Variants in CFLAR observed in about 807,000 individuals in gnomAD.
CFLAR encodes the protein CASP8 and FADD-like apoptosis regulator.
CFLAR carries 14 observed loss-of-function variants against 51.1 expected under a neutral mutation model. The ratio of observed to expected loss-of-function variants is 0.27; its 90% CI spans 0.18 to 0.43. The LOEUF (loss-of-function observed/expected upper bound fraction) is 0.43, where lower values mean the gene tolerates loss of function less well. CFLAR is among the 20% of genes least tolerant of loss of function. CFLAR has a pLI of 1.00. For synonymous variants in CFLAR, 210 were observed against 211.6 expected (o/e 0.99, Z 0.06); for missense variants, 390 against 566.5 (o/e 0.69, Z 3.16).
rs1192064720 is a variant in CFLAR at position 201,162,493 on chromosome 2, C to T, written c.1305-1342C>T. 3 of 165,518 alleles carry T rather than the reference C, an allele frequency of 1.8e-5. No individual in the cohort carries two copies. The East Asian group carries it at 4.8e-4, about 26-fold the overall frequency. The allele number at this position is 165,518 out of a possible 1,614,324, so 10.3% of individuals were successfully genotyped here. On this transcript the variant is annotated intron_variant, in intron 9 of 9. Transcript: ENST00000309955. ...AATCCCCATGTCTGGCTCATTTCAG[C>T]TCCTTTACTGCCAAAGCAGGGGACA...
intron 1 of CFLAR, among the ~76,000 whole-genome samples, chr2:201,127,631 A>G (rs1361135601): frequency 6.6e-6 from 1 of 152,190 alleles, no homozygotes; most frequent in Admixed American, 6.5e-5. Flanking sequence ...TCCTTTCTCA[A>G]GTACTCACCA....
rs930136248 is a variant in CFLAR at position 201,124,224 on chromosome 2, G to T, written c.-137-5505G>T. Among the ~76,000 whole-genome samples, 4 of 152,236 alleles carry T rather than the reference G, an allele frequency of 2.6e-5. No individual in the cohort carries two copies. The highest frequency in any genetic ancestry group is 7.2e-5 in the African/African-American group (3 of 41,464). ...TGGGGGCAGCGTTGGTGTTCTGTGAGAAAGGTTGAGAGGCCTGACTAAACT... is the reference window on the plus strand; with the variant it reads ...TGGGGGCAGCGTTGGTGTTCTGTGATAAAGGTTGAGAGGCCTGACTAAACT... On this transcript the variant is annotated intron_variant, in intron 1 of 9. Coordinates refer to ENST00000309955, the MANE Select transcript of CFLAR (RefSeq NM_003879.7). The surrounding 1 kb of genome is among the most constrained non-coding windows in gnomAD (Gnocchi z 4.7).
intron 8 of CFLAR, among the ~76,000 whole-genome samples, chr2:201,151,725 TAA>T (rs1031191368): frequency 3.6e-5 from 5 of 140,194 alleles, no homozygotes; most frequent in African/African-American, 7.8e-5. Flanking sequence ...GAGAGAATCA[TAA>T]AAAAAAAAAA....
At chr2:201,123,824 A>G (rs554776136) in intron 1 of CFLAR, among the ~76,000 whole-genome samples, 2 of 152,212 alleles carry the variant, frequency 1.3e-5, no homozygotes, top group African/African-American at 4.8e-5. Context: ...AGATGGCCAC[A>G]TTCTACTTTA....
chr2:201,133,650 G>C (rs1415727646), intron 3 of CFLAR, among the ~76,000 whole-genome samples: 2 of 152,160 alleles, frequency 1.3e-5, no homozygotes, highest in East Asian at 3.8e-4. Flanking sequence ...AAACCAGGAG[G>C]CCGGGCGCAG....
chr2:201,136,386 T>G, intron 4 of CFLAR: 1 of 1,598,482 alleles, frequency 6.3e-7, no homozygotes, highest in Non-Finnish European at 8.5e-7. Flanking sequence ...CTGCACAGGC[T>G]GGCAGAGCTA....
rs778667629 is a variant in CFLAR, at chr2:201,135,974, T to C, written c.390T>C (p.Ser130=). 1.2e-6 allele frequency: 2 copies of C among 1,606,030 alleles called. No homozygotes were observed. The highest frequency in any genetic ancestry group is 2.7e-5 in the African/African-American group (2 of 74,000). The change falls in exon 4 of 10, where the codon AGT becomes AGC. Residue 130 remains serine (S), a splice_region_variant and synonymous_variant. Transcript: ENST00000309955. ...MGRGKISKEK[S]FLDLVVELEK... is the part of the protein sequence containing the mutation. ...TTTTTTGTTGGTGGTTCTCTTAGAGTTTCTTGGACCTTGTGGTTGAGTTGG... is the reference window on the plus strand; with the variant it reads ...TTTTTTGTTGGTGGTTCTCTTAGAGCTTCTTGGACCTTGTGGTTGAGTTGG...
intron 5 of CFLAR, among the ~76,000 whole-genome samples, chr2:201,144,665 C>T (rs1283063257): frequency 3.9e-5 from 6 of 152,044 alleles, no homozygotes; most frequent in Admixed American, 3.9e-4. Flanking sequence ...CCTAGAAATC[C>T]GACTCTTAAC....
At chr2:201,158,415 A>G (rs929846300) in intron 8 of CFLAR, among the ~76,000 whole-genome samples, 4 of 152,248 alleles carry the variant, frequency 2.6e-5, no homozygotes, top group Admixed American at 2.6e-4. Context: ...ACTTTGTTTG[A>G]TAAGGAAGGA....
intron 8 of CFLAR, among the ~76,000 whole-genome samples, chr2:201,156,195 G>A (rs985908847): frequency 6.6e-6 from 1 of 152,190 alleles, no homozygotes; most frequent in Non-Finnish European, 1.5e-5. Context: ...TAAAACAAGA[G>A]TTTTCCGGTC....
chr2:201,145,211 A>G (rs948121747), intron 5 of CFLAR, among the ~76,000 whole-genome samples, 167 bp from the exon 6 acceptor site: 3 of 152,166 alleles, frequency 2.0e-5, no homozygotes, highest in African/African-American at 7.2e-5. Context: ...TACGGGATTT[A>G]TGGAGTTAAC....
rs1270015451 is a variant in CFLAR at position 201,160,336 on chromosome 2, A to G, written c.794-96A>G. On this transcript the variant is annotated intron_variant, in intron 8 of 9. Transcript: ENST00000309955. The stretch of plus-strand genomic sequence containing the variant: ...TGACACAAAAGCAGAAGCTTTTCAT[A>G]ATGGAGATTAGACCATGTCTAGGAT... The G allele has an allele frequency of 6.1e-6, 8 of 1,304,786 alleles. No individual in the cohort carries two copies. The East Asian group carries it at 9.3e-5, about 15-fold the overall frequency. The allele number at this position is 1,304,786 out of a possible 1,614,324, so 80.8% of individuals were successfully genotyped here.
At chr2:201,134,640 T>TTAAAA (rs60192551) in intron 3 of CFLAR, among the ~76,000 whole-genome samples, 19,645 of 142,818 alleles carry the variant, frequency 0.14, 1,495 homozygotes, top group African/African-American at 0.17. Flanking sequence ...ATCTCAAAAA[T>TTAAAA]TAAAATAAAA....
At position 201,164,102 on chromosome 2, in the gene CFLAR, TAA is replaced by T; in HGVS notation, c.*133_*134del. The T allele has an allele frequency of 3.1e-6, 2 of 651,848 alleles. No homozygotes were observed. The allele number at this position is 651,848 out of a possible 1,614,324, so 40.4% of individuals were successfully genotyped here. On this transcript the variant is annotated 3_prime_UTR_variant, in exon 10 of 10. Coordinates refer to ENST00000309955, the MANE Select transcript of CFLAR (RefSeq NM_003879.7). The stretch of plus-strand genomic sequence containing the variant: ...CCAACATGGTAAACGCTGTCCCTAG[TAA>T]AAATACAAAAATTAGCTGGGTGTGG...
At chr2:201,153,903 CTTTTTTTTTTTTT>C (rs747813572) in intron 8 of CFLAR, among the ~76,000 whole-genome samples, 3 of 103,050 alleles carry the variant, frequency 2.9e-5, no homozygotes, top group African/African-American at 1.2e-4. Flanking sequence ...TCTTTTCTTT[CTTTTTTTTTTTTT>C]TTTTTTTTTG....
rs1211939167 is a variant in CFLAR, at chr2:201,116,662, C to A, written c.-138+181C>A. Among the ~76,000 whole-genome samples the A allele has an allele frequency of 3.3e-5, 5 of 152,238 alleles. No homozygotes were observed. Among genetic ancestry groups the A allele is most frequent in the Non-Finnish European group, 5.9e-5 (4 of 68,036 alleles). On this transcript the variant is annotated intron_variant, in intron 1 of 9. Transcript: ENST00000309955. This position sits in a 1 kb window ranked among gnomAD's most constrained non-coding sequence, Gnocchi z 4.8. Reference sequence around the variant, plus strand: ...GAAACTGCAGGTGGCCGGCAGTGGCCAGGGGATGGCGGGGGCGCTTCTGGA... The same window carrying A: ...GAAACTGCAGGTGGCCGGCAGTGGCAAGGGGATGGCGGGGGCGCTTCTGGA...
At chr2:201,140,204 A>G in intron 4 of CFLAR, 153 bp from the exon 5 acceptor site, 1 of 860,960 alleles carries the variant, frequency 1.2e-6, no homozygotes, top group Admixed American at 3.3e-5. Flanking sequence ...TGTTTGGTCG[A>G]AGAGTCATCT....
intron 5 of CFLAR, among the ~76,000 whole-genome samples, chr2:201,143,906 C>T (rs1469499600): frequency 1.3e-5 from 2 of 151,592 alleles, no homozygotes; most frequent in Admixed American, 6.6e-5. Context: ...AGGTTGCAGG[C>T]GCCACTGCAC....
At chr2:201,155,635 CT>C (rs747644166) in intron 8 of CFLAR, among the ~76,000 whole-genome samples, 91 of 151,530 alleles carry the variant, frequency 6.0e-4, no homozygotes, top group Middle Eastern at 3.2e-3. Flanking sequence ...CTTTCCTTTT[CT>C]TTTTTGAGAC....
Sources: allele counts gnomAD v4.1 joint callset (sites outside exome capture counted in the v4.1 genomes callset), GRCh38; gene constraint gnomAD v4.1.1; non-coding constraint Gnocchi (gnomAD v3.1); transcripts MANE v1.5; gene names NCBI Gene and HGNC (gene_info 2026-07-23, HGNC 2026-07-21).